Variants in ACTR3C observed in about 807,000 individuals in gnomAD.
The protein encoded by ACTR3C is actin related protein 3C, also known as actin-related protein 3C.
In ACTR3C, 18 loss-of-function variants were observed where a neutral mutation model predicts 26.3. The observed-to-expected ratio is 0.68, with a 90% CI of 0.47 to 1.01. ACTR3C has a LOEUF of 1.01. Ranked by LOEUF, ACTR3C falls within the 50% of genes least tolerant of loss-of-function variation. The pLI, the probability that ACTR3C is intolerant of heterozygous loss-of-function variation, is 0.00. For synonymous variants in ACTR3C, 55 were observed against 94.5 expected, an observed-to-expected ratio of 0.58 and a Z score of 2.42; for missense variants, 184 against 250.7, an observed-to-expected ratio of 0.73 and a Z score of 1.80.
intron 6 of ACTR3C, among the ~76,000 whole-genome samples, chr7:150,251,134 G>C (rs2129609236): frequency 6.6e-6 from 1 of 152,264 alleles, no homozygotes; most frequent in East Asian, 1.9e-4. Flanking sequence ...TGACACGTGT[G>C]ACCTGTCCAC....
the ACTR3C span, among the ~76,000 whole-genome samples, chr7:150,084,942 T>G: frequency 6.6e-6 from 1 of 151,928 alleles, no homozygotes; most frequent in African/African-American, 2.4e-5. Flanking sequence ...GTGTACTGCA[T>G]GGATTAGGGG....
At chr7:150,259,264 GAAGA>G (rs1228174973) in intron 6 of ACTR3C, among the ~76,000 whole-genome samples, 4 of 119,774 alleles carry the variant, frequency 3.3e-5, no homozygotes, top group African/African-American at 1.3e-4. Context: ...GAAAGAGAAA[GAAGA>G]AAGAAAAAGA....
At chr7:149,941,546 T>C in the ACTR3C span, among the ~76,000 whole-genome samples, 17 of 152,196 alleles carry the variant, frequency 1.1e-4, no homozygotes, top group Non-Finnish European at 2.2e-4. Context: ...AGCTCCTGAC[T>C]ATTTCTCTGA....
At chr7:149,928,187 T>C in the ACTR3C span, among the ~76,000 whole-genome samples, 1 of 144,980 alleles carries the variant, frequency 6.9e-6, no homozygotes, top group African/African-American at 2.6e-5. Flanking sequence ...TATCCTTGCT[T>C]TCTTTTTTTC....
chr7:150,231,760 T>G, the ACTR3C span, among the ~76,000 whole-genome samples: 1 of 152,140 alleles, frequency 6.6e-6, no homozygotes, highest in African/African-American at 2.4e-5. Flanking sequence ...GTTCTACATT[T>G]GTTCCTGTGT....
chr7:150,239,536 CTCTCTA>C (rs1348548517), downstream of ACTR3C, among the ~76,000 whole-genome samples: 983 of 112,888 alleles, frequency 8.7e-3, 26 homozygotes, highest in East Asian at 0.021. Context: ...CTCTCTCTCT[CTCTCTA>C]TATATATATA....
the ACTR3C span, among the ~76,000 whole-genome samples, chr7:149,916,847 A>C: frequency 2.0e-5 from 3 of 151,910 alleles, no homozygotes; most frequent in Non-Finnish European, 4.4e-5. Context: ...ACAGAAGAGG[A>C]AGCTATGGAA....
At chr7:149,985,125 T>C in the ACTR3C span, among the ~76,000 whole-genome samples, 1 of 151,652 alleles carries the variant, frequency 6.6e-6, no homozygotes, top group Non-Finnish European at 1.5e-5. Context: ...CAGATGGGAT[T>C]TCAGGTTCCA....
the ACTR3C span, among the ~76,000 whole-genome samples, chr7:150,102,788 C>T: frequency 6.6e-6 from 1 of 151,842 alleles, no homozygotes; most frequent in East Asian, 1.9e-4. Context: ...TGATTTTTCT[C>T]CTTAGCACTC....
the ACTR3C span, among the ~76,000 whole-genome samples, chr7:150,177,920 T>C: frequency 4.6e-5 from 7 of 150,938 alleles, 1 homozygote; most frequent in Middle Eastern, 6.8e-3. Context: ...AAATTATGTA[T>C]GTAGGTAGCT....
chr7:150,081,687 A>G, the ACTR3C span, among the ~76,000 whole-genome samples: 1 of 151,318 alleles, frequency 6.6e-6, no homozygotes, highest in Non-Finnish European at 1.5e-5. Context: ...TTTGTTTTGC[A>G]TTTTTCCATA....
the ACTR3C span, among the ~76,000 whole-genome samples, chr7:150,134,402 T>C: frequency 6.6e-6 from 1 of 152,248 alleles, no homozygotes; most frequent in South Asian, 2.1e-4. Context: ...CTTTCACCAC[T>C]GACAGCTGGT....
chr7:150,301,199 G>C (rs1412590717), intron 1 of ACTR3C, among the ~76,000 whole-genome samples: 1 of 152,188 alleles, frequency 6.6e-6, no homozygotes, highest in Non-Finnish European at 1.5e-5. Context: ...AGGAACCCAA[G>C]CATAATTATA....
the ACTR3C span, among the ~76,000 whole-genome samples, chr7:150,211,596 G>A: frequency 6.7e-6 from 1 of 149,316 alleles, no homozygotes; most frequent in Non-Finnish European, 1.5e-5. Context: ...TTCTTTCTAG[G>A]CTTGGAATAT....
the ACTR3C span, among the ~76,000 whole-genome samples, chr7:149,998,643 C>G: frequency 4.0e-5 from 6 of 150,052 alleles, no homozygotes; most frequent in South Asian, 1.3e-3. Context: ...TAACCATCTC[C>G]ACGATTAAAT....
At chr7:150,190,943 C>A in the ACTR3C span, among the ~76,000 whole-genome samples, 1 of 152,152 alleles carries the variant, frequency 6.6e-6, no homozygotes, top group South Asian at 2.1e-4. Context: ...CAGGAGGACT[C>A]ATTCACTATC....
chr7:149,991,540 T>C, the ACTR3C span, among the ~76,000 whole-genome samples: 150,841 of 152,266 alleles, frequency 0.99, 74,727 homozygotes, highest in East Asian at 1. Flanking sequence ...GTGATTGGTT[T>C]TGTTATCAGC....
At chr7:150,177,860 A>G in the ACTR3C span, among the ~76,000 whole-genome samples, 2 of 150,786 alleles carry the variant, frequency 1.3e-5, no homozygotes, top group African/African-American at 2.5e-5. Context: ...ATACTGATAT[A>G]TTTTTATTTA....
chr7:150,180,650 C>T, the ACTR3C span, among the ~76,000 whole-genome samples: 1 of 148,418 alleles, frequency 6.7e-6, no homozygotes, highest in East Asian at 2.0e-4. Flanking sequence ...GTAGCTGGGA[C>T]TACAGGCGCG....
Sources: allele counts gnomAD v4.1 joint callset (sites outside exome capture counted in the v4.1 genomes callset), GRCh38; gene constraint gnomAD v4.1.1; transcripts MANE v1.5; gene names NCBI Gene and HGNC (gene_info 2026-07-23, HGNC 2026-07-21).